LRP1B: variants seen among roughly 807,000 people sequenced by gnomAD.
LRP1B encodes the protein low-density lipoprotein receptor-related protein 1B.
In LRP1B, 217 loss-of-function variants were observed where a neutral mutation model predicts 556.6. The ratio of observed to expected loss-of-function variants is 0.39; its 90% CI spans 0.35 to 0.44. The LOEUF is 0.44. Ranked by LOEUF, LRP1B falls within the 20% of genes least tolerant of loss-of-function variation. The probability of loss-of-function intolerance (pLI) is 1.00; values close to 1 mark genes in which losing one functional copy is unlikely to be tolerated. For missense variants in LRP1B, 5,053 were observed against 5,620.8 expected, an observed-to-expected ratio of 0.90 and a Z score of 3.23; for synonymous variants, 2,047 against 1,865.8, an observed-to-expected ratio of 1.10 and a Z score of -2.50.
chr2:141,247,795 A>C (rs1442726444), intron 4 of LRP1B, among the ~76,000 whole-genome samples: 3 of 152,208 alleles, frequency 2.0e-5, no homozygotes, highest in Admixed American at 1.3e-4. Flanking sequence ...CACTACTTTA[A>C]AGAGAGGAAA....
intron 7 of LRP1B, among the ~76,000 whole-genome samples, chr2:141,142,518 G>A (rs1701677200): frequency 6.6e-6 from 1 of 152,074 alleles, no homozygotes; most frequent in Non-Finnish European, 1.5e-5. Flanking sequence ...TATGGTATCT[G>A]CCTATGATGT....
intron 1 of LRP1B, among the ~76,000 whole-genome samples, chr2:142,044,335 A>G (rs977303797): frequency 1.3e-5 from 2 of 151,814 alleles, no homozygotes; most frequent in Non-Finnish European, 2.9e-5. Flanking sequence ...ACCAAATGTG[A>G]GTTGACCTAT....
At chr2:140,871,036 A>G (rs1275328979) in intron 25 of LRP1B, among the ~76,000 whole-genome samples, 1 of 152,164 alleles carries the variant, frequency 6.6e-6, no homozygotes, top group African/African-American at 2.4e-5. Context: ...AAAAGGGAAG[A>G]AAGATGAGAG....
intron 84 of LRP1B, among the ~76,000 whole-genome samples, chr2:140,288,264 G>C (rs771920597): frequency 6.6e-6 from 1 of 151,344 alleles, no homozygotes; most frequent in East Asian, 2.0e-4. Context: ...AGCTACAAAA[G>C]AGGTTATATC....
intron 66 of LRP1B, among the ~76,000 whole-genome samples, chr2:140,435,929 A>G (rs1265240550): frequency 1.3e-5 from 2 of 151,950 alleles, no homozygotes; most frequent in Non-Finnish European, 2.9e-5. Flanking sequence ...TGCAAAATAA[A>G]TGCCATTATG....
chr2:140,280,264 G>A (rs1433792428), intron 84 of LRP1B, among the ~76,000 whole-genome samples: 2 of 151,728 alleles, frequency 1.3e-5, no homozygotes, highest in Non-Finnish European at 2.9e-5. Context: ...TTAGTAATTA[G>A]TAGCACTAAA....
At chr2:140,678,175 TA>T (rs1219849699) in intron 41 of LRP1B, among the ~76,000 whole-genome samples, 3 of 152,174 alleles carry the variant, frequency 2.0e-5, no homozygotes, top group East Asian at 3.9e-4. Flanking sequence ...TGAATACCTC[TA>T]TTTTTTGCCT....
chr2:140,452,537 T>C (rs765172709), intron 62 of LRP1B, among the ~76,000 whole-genome samples: 1 of 152,148 alleles, frequency 6.6e-6, no homozygotes, highest in East Asian at 1.9e-4. Flanking sequence ...GAGATGACTT[T>C]CTAAAAGTTA....
In LRP1B at chr2:141,240,520, T is replaced by C. The variant is rs116714209; in HGVS notation, c.592+6706A>G. On this transcript the variant is annotated intron_variant, in intron 5 of 90. Coordinates refer to ENST00000389484, the MANE Select transcript of LRP1B (RefSeq NM_018557.3). The stretch of plus-strand genomic sequence containing the variant: ...CTTGCCTCATCTATTTAACCATTTG[T>C]AATTTTTATAAATTTAAATGTGCTC... Among the ~76,000 whole-genome samples the C allele has an allele frequency of 1.3e-3, 193 of 152,244 alleles. 1 individual carries two copies. Among genetic ancestry groups the C allele is most frequent in the Middle Eastern group, 3.4e-3 (1 of 292 alleles).
intron 60 of LRP1B, among the ~76,000 whole-genome samples, chr2:140,469,046 A>T (rs76763378): frequency 0.015 from 2,283 of 152,292 alleles, 57 homozygotes; most frequent in African/African-American, 0.05. Flanking sequence ...GAACAAGTTA[A>T]GAATTTGGGG....
chr2:141,624,061 A>C (rs1325556650), intron 2 of LRP1B, among the ~76,000 whole-genome samples: 5 of 146,466 alleles, frequency 3.4e-5, no homozygotes, highest in Non-Finnish European at 7.6e-5. Context: ...AAGAAAAAAA[A>C]CAAGATTAGT....
rs1331847076 is a variant in LRP1B at position 140,266,550 on chromosome 2, C to T, written c.13247+3692G>A. On this transcript the variant is annotated intron_variant, in intron 86 of 90. Transcript: ENST00000389484. ...TATAAAATGTACCTAATAAACTGTCCCCAATATATCTCTTTAGCCTTCTCT... is the reference window on the plus strand; with the variant it reads ...TATAAAATGTACCTAATAAACTGTCTCCAATATATCTCTTTAGCCTTCTCT... 5.3e-5 allele frequency among the ~76,000 whole-genome samples: 8 copies of T among 151,772 alleles called. 1 individual carries two copies. Among genetic ancestry groups the T allele is most frequent in the Non-Finnish European group, 1.5e-5 (1 of 67,878 alleles).
chr2:140,633,016 T>G (rs913083183), intron 41 of LRP1B, among the ~76,000 whole-genome samples: 1 of 149,142 alleles, frequency 6.7e-6, no homozygotes, highest in South Asian at 2.1e-4. Flanking sequence ...TGAGCCGAGA[T>G]CATGCCACTG....
At chr2:142,006,529 G>A (rs1702805923) in intron 1 of LRP1B, among the ~76,000 whole-genome samples, 1 of 152,116 alleles carries the variant, frequency 6.6e-6, no homozygotes, top group Non-Finnish European at 1.5e-5. Context: ...AAGCTTATTT[G>A]GAGTTAATTC....
intron 3 of LRP1B, among the ~76,000 whole-genome samples, chr2:141,269,684 G>A (rs1361295811): frequency 6.6e-6 from 1 of 152,028 alleles, no homozygotes; most frequent in African/African-American, 2.4e-5. Context: ...GGAAGGAAAG[G>A]TTTTCAGAGT....
intron 11 of LRP1B, among the ~76,000 whole-genome samples, chr2:141,047,832 A>G (rs1037250044): frequency 6.6e-6 from 1 of 152,064 alleles, no homozygotes; most frequent in Admixed American, 6.6e-5. Context: ...TTGCAGAAAC[A>G]TCCTCCTCTC....
chr2:141,508,334 A>G (rs1005046399), intron 2 of LRP1B, among the ~76,000 whole-genome samples: 2 of 152,202 alleles, frequency 1.3e-5, no homozygotes, highest in African/African-American at 4.8e-5. Flanking sequence ...GAAGGGTAAC[A>G]GCCACTGAGA....
chr2:141,790,605 T>C (rs1695580747), intron 2 of LRP1B, among the ~76,000 whole-genome samples: 1 of 151,974 alleles, frequency 6.6e-6, no homozygotes, highest in Non-Finnish European at 1.5e-5. Flanking sequence ...AATAATATTT[T>C]GGAAGTTGAG....
chr2:140,356,515 AATTCCTGAAGTGGGGAG>A, intron 74 of LRP1B, 39 bp from the exon 75 acceptor site: 1 of 1,452,406 alleles, frequency 6.9e-7, no homozygotes, highest in Non-Finnish European at 9.5e-7. Flanking sequence ...ATATAATTCT[AATTCCTGAAGTGGGGAG>A]TTAACTTTTA....
Sources: gnomAD v4.1 joint callset for allele counts (sites outside exome capture counted in the v4.1 genomes callset) on GRCh38, gnomAD v4.1.1 for gene constraint, MANE v1.5 for transcripts, NCBI Gene and HGNC (gene_info 2026-07-23, HGNC 2026-07-21) for gene names.